The following CLDN14 variants were observed in gnomAD, a reference collection of about 807,000 sequenced individuals.
CLDN14 encodes the protein claudin 14.
In CLDN14, 2 loss-of-function variants were observed where a neutral mutation model predicts 2.1. The ratio of observed to expected loss-of-function variants is 0.96; its 90% CI spans 0.39 to 3.01. The LOEUF is 3.01. CLDN14 is among the 30% of genes most tolerant of loss of function. The pLI is 0.09. For missense variants in CLDN14, 298 were observed against 328.0 expected (o/e 0.91, Z 0.71); for synonymous variants, 136 against 154.4 (o/e 0.88, Z 0.88).
chr21:36,502,038 G>A (rs1208908165), intron 2 of CLDN14, among the ~76,000 whole-genome samples: 1 of 152,014 alleles, frequency 6.6e-6, no homozygotes, highest in Non-Finnish European at 1.5e-5. Flanking sequence ...GAAGAGGCAG[G>A]ATGGAAGGGG....
chr21:36,532,730 C>T (rs1464364016), intron 1 of CLDN14, among the ~76,000 whole-genome samples: 1 of 152,084 alleles, frequency 6.6e-6, no homozygotes, highest in Non-Finnish European at 1.5e-5. Flanking sequence ...GCTTCTCTTT[C>T]GAGAATGCGG....
chr21:36,469,945 T>C lies in CLDN14; in HGVS notation c.-81-8169A>G, dbSNP rs546283105. Among the ~76,000 whole-genome samples, 20 of 150,722 alleles carry C rather than the reference T, an allele frequency of 1.3e-4. 1 individual carries two copies. The South Asian group carries it at 3.7e-3, about 28-fold the overall frequency. On this transcript the variant is annotated intron_variant, in intron 1 of 1. Transcript: ENST00000399135. ...GGCAGGTTTGCTATGTTGCTGTTTT[T>C]GTTGTTGTTGTTTTTCATTTTTCAA...
chr21:36,490,004 A>G (rs2086944652), intron 2 of CLDN14, among the ~76,000 whole-genome samples: 2 of 151,928 alleles, frequency 1.3e-5, no homozygotes. Flanking sequence ...GGTCTTCTCC[A>G]CTCCCAGGCC....
At chr21:36,547,461 G>T (rs1054601803) in intron 1 of CLDN14, among the ~76,000 whole-genome samples, 5 of 152,184 alleles carry the variant, frequency 3.3e-5, no homozygotes, top group African/African-American at 1.2e-4. Flanking sequence ...AGACCAAAAA[G>T]AACCTTCCGA....
At chr21:36,519,844 A>C (rs2087257179) in intron 1 of CLDN14, among the ~76,000 whole-genome samples, 1 of 152,112 alleles carries the variant, frequency 6.6e-6, no homozygotes, top group African/African-American at 2.4e-5. Flanking sequence ...CCTTCCAAAC[A>C]CTCAGCCCAG....
intron 2 of CLDN14, among the ~76,000 whole-genome samples, chr21:36,506,232 C>G (rs1180789988): frequency 6.6e-6 from 1 of 152,124 alleles, no homozygotes; most frequent in East Asian, 1.9e-4. Context: ...CAAAGAGTTC[C>G]AAGACACAAT....
chr21:36,481,241 C>T (rs1455199056), upstream of CLDN14, among the ~76,000 whole-genome samples: 2 of 152,100 alleles, frequency 1.3e-5, no homozygotes, highest in Non-Finnish European at 2.9e-5. Context: ...TTCGTTAGAT[C>T]CTCCACCCCA....
intron 1 of CLDN14, among the ~76,000 whole-genome samples, chr21:36,522,867 C>T (rs997660698): frequency 3.9e-5 from 6 of 152,054 alleles, no homozygotes; most frequent in Admixed American, 3.9e-4. Context: ...CCCTTGTCTT[C>T]AATGCCCTGC....
intron 2 of CLDN14, among the ~76,000 whole-genome samples, chr21:36,493,008 G>C (rs995143329): frequency 1.3e-5 from 2 of 152,226 alleles, no homozygotes; most frequent in Non-Finnish European, 2.9e-5. Flanking sequence ...AGACAAGATC[G>C]CAAAGAAGCA....
intron 1 of CLDN14, among the ~76,000 whole-genome samples, chr21:36,540,525 C>G (rs73380004): frequency 6.6e-6 from 1 of 152,136 alleles, no homozygotes; most frequent in African/African-American, 2.4e-5. Flanking sequence ...TGGCCTTAAC[C>G]TCTCCTACTG....
At chr21:36,530,751 G>A (rs919270749) in intron 1 of CLDN14, among the ~76,000 whole-genome samples, 2 of 152,298 alleles carry the variant, frequency 1.3e-5, no homozygotes, top group East Asian at 3.9e-4. Flanking sequence ...GTGGGAGGAG[G>A]TTGTGTTTCA....
intron 2 of CLDN14, chr21:36,486,925 C>T (rs2146457250): frequency 1.7e-6 from 1 of 591,108 alleles, no homozygotes; most frequent in Non-Finnish European, 3.2e-6. Context: ...CAGCACTTCA[C>T]AGTCATTAGC....
At chr21:36,522,526 G>A (rs187044318) in intron 1 of CLDN14, among the ~76,000 whole-genome samples, 205 of 152,246 alleles carry the variant, frequency 1.3e-3, no homozygotes, top group Non-Finnish European at 2.2e-3. Context: ...CTGTTCAGCC[G>A]CCCTCGTTTT....
chr21:36,538,606 T>A (rs2087451781), intron 1 of CLDN14, among the ~76,000 whole-genome samples: 2 of 147,750 alleles, frequency 1.4e-5, no homozygotes, highest in South Asian at 4.5e-4. Context: ...GAGCGAGACA[T>A]CGTCTCAAAG....
chr21:36,471,076 T>C (rs61406199), intron 1 of CLDN14, among the ~76,000 whole-genome samples: 2,169 of 152,212 alleles, frequency 0.014, 36 homozygotes, highest in African/African-American at 0.048. Flanking sequence ...CATTTGTCAT[T>C]GATAAAAACA....
At chr21:36,548,661 TC>T (rs2087541378) in intron 1 of CLDN14, among the ~76,000 whole-genome samples, 1 of 152,054 alleles carries the variant, frequency 6.6e-6, no homozygotes, top group Non-Finnish European at 1.5e-5. Context: ...CTCCTGCTTC[TC>T]CCCTCTCCCG....
At chr21:36,480,191 C>G (rs531088988), upstream of CLDN14, 1 of 152,450 alleles carries the variant, frequency 6.6e-6, no homozygotes, top group African/African-American at 2.4e-5. Context: ...CGATTCTGAT[C>G]AACGAGCAAC....
intron 1 of CLDN14, among the ~76,000 whole-genome samples, chr21:36,468,579 A>G (rs1466949718): frequency 6.6e-6 from 1 of 151,460 alleles, no homozygotes; most frequent in Non-Finnish European, 1.5e-5. Context: ...AAGAAAATAA[A>G]CAAAATCATA....
In CLDN14 at chr21:36,572,019, T is replaced by C. The variant is rs372687679; in HGVS notation, c.-220+4392A>G. 7.2e-5 allele frequency among the ~76,000 whole-genome samples: 11 copies of C among 152,286 alleles called. 1 individual carries two copies. The highest frequency in any genetic ancestry group is 5.2e-4 in the Admixed American group (8 of 15,302). On this transcript the variant is annotated intron_variant, in intron 1 of 2. Coordinates refer to the CLDN14 transcript ENST00000342108. ...TCCCTCCCCACTCCGTGAAATAAGATCTAGCAACGGAATTGCCAACTCAAA... is the reference window on the plus strand; with the variant it reads ...TCCCTCCCCACTCCGTGAAATAAGACCTAGCAACGGAATTGCCAACTCAAA...
Sources: gnomAD v4.1 joint callset for allele counts (sites outside exome capture counted in the v4.1 genomes callset) on GRCh38, gnomAD v4.1.1 for gene constraint, MANE v1.5 for transcripts, NCBI Gene and HGNC (gene_info 2026-07-23, HGNC 2026-07-21) for gene names.